The following CRPPA variants were observed in gnomAD, a reference collection of about 807,000 sequenced individuals.
The protein encoded by CRPPA is CDP-L-ribitol pyrophosphorylase A, also known as D-ribitol-5-phosphate cytidylyltransferase.
CRPPA carries 43 observed loss-of-function variants against 52.0 expected under a neutral mutation model. The observed-to-expected ratio is 0.83, with a 90% confidence interval of 0.65 to 1.07. The LOEUF is 1.07. CRPPA is among the 50% of genes least tolerant of loss of function. The pLI, the probability that CRPPA is intolerant of heterozygous loss-of-function variation, is 0.00. For missense variants in CRPPA, 629 were observed against 551.7 expected, an observed-to-expected ratio of 1.14 and a Z score of -1.40; for synonymous variants, 250 against 203.5, an observed-to-expected ratio of 1.23 and a Z score of -1.94.
In CRPPA at chr7:16,342,123, C is replaced by G. The variant is rs552607484; in HGVS notation, c.685-33496G>C. On this transcript the variant is annotated intron_variant, in intron 3 of 9. Coordinates refer to ENST00000407010, the MANE Select transcript of CRPPA (RefSeq NM_001101426.4). The stretch of plus-strand genomic sequence containing the variant: ...ATGGGTTTCATGAGAACCATAACAT[C>G]TAGGTATTAATAATCAACCCATATT... Among the ~76,000 whole-genome samples, 9 of 152,280 alleles carry G rather than the reference C, an allele frequency of 5.9e-5. No individual in the cohort carries two copies. The South Asian group carries it at 1.9e-3, about 32-fold the overall frequency.
chr7:16,337,481 A>C (rs1177018826), intron 3 of CRPPA, among the ~76,000 whole-genome samples: 1 of 152,172 alleles, frequency 6.6e-6, no homozygotes, highest in East Asian at 1.9e-4. Flanking sequence ...TGGCAAATTT[A>C]TAGCATTAAA....
Position 16,089,659 on chromosome 7 carries a change from T to G in CRPPA, c.*2036A>C, listed in dbSNP as rs1169083622. Reference sequence around the variant, plus strand: ...TATTTTTTTTTCCCAATGCTGTGAATTGCTTTGCCTGCTATGAAGGACCAA... The same window carrying G: ...TATTTTTTTTTCCCAATGCTGTGAAGTGCTTTGCCTGCTATGAAGGACCAA... On this transcript the variant is annotated 3_prime_UTR_variant, in exon 10 of 10. Transcript: ENST00000407010. 5.0e-6 allele frequency: 1 copy of G among 201,410 alleles called. No homozygotes were observed. The highest frequency in any genetic ancestry group is 1.1e-4 in the East Asian group (1 of 9,114). The allele number at this position is 201,410 out of a possible 1,614,324, so 12.5% of individuals were successfully genotyped here. A position where few individuals can be genotyped will look rare whatever the true frequency, so the allele number is the denominator to read the frequency against.
At chr7:16,338,499 T>C (rs1417294603) in intron 3 of CRPPA, among the ~76,000 whole-genome samples, 2 of 139,218 alleles carry the variant, frequency 1.4e-5, no homozygotes, top group African/African-American at 5.5e-5. Flanking sequence ...TCCACTCTCA[T>C]TGCTTCCTTT....
At chr7:16,291,667 A>G (rs1784567522) in intron 5 of CRPPA, among the ~76,000 whole-genome samples, 1 of 151,824 alleles carries the variant, frequency 6.6e-6, no homozygotes, top group Non-Finnish European at 1.5e-5. Flanking sequence ...AAGGTTCAAT[A>G]GCCTAATAGG....
At chr7:16,093,482 C>T (rs1444964468) in intron 9 of CRPPA, among the ~76,000 whole-genome samples, 1 of 152,164 alleles carries the variant, frequency 6.6e-6, no homozygotes, top group Non-Finnish European at 1.5e-5. Context: ...GCCATCTCTG[C>T]TTAAAGTGCT....
chr7:16,330,148 T>C (rs1473431876), intron 3 of CRPPA, among the ~76,000 whole-genome samples: 1 of 152,202 alleles, frequency 6.6e-6, no homozygotes, highest in African/African-American at 2.4e-5. Context: ...TTAGAGACTG[T>C]GCAAAACAAT....
chr7:16,236,695 A>G (rs1227508518), intron 8 of CRPPA, among the ~76,000 whole-genome samples: 1 of 152,182 alleles, frequency 6.6e-6, no homozygotes, highest in East Asian at 1.9e-4. Flanking sequence ...CTGTCTGCCA[A>G]TAATTCAACC....
At chr7:16,240,891 T>G (rs1358208064) in intron 8 of CRPPA, among the ~76,000 whole-genome samples, 1 of 152,238 alleles carries the variant, frequency 6.6e-6, no homozygotes, top group East Asian at 1.9e-4. Context: ...TCTATGAAGC[T>G]AAAGTAAGAA....
chr7:16,267,148 T>C (rs548426339), intron 6 of CRPPA, among the ~76,000 whole-genome samples: 2 of 152,360 alleles, frequency 1.3e-5, no homozygotes, highest in Admixed American at 6.5e-5. Flanking sequence ...TAGCCATTGA[T>C]GGATTAATAT....
intron 3 of CRPPA, among the ~76,000 whole-genome samples, chr7:16,352,979 C>T (rs747254782): frequency 1.5e-4 from 23 of 151,630 alleles, no homozygotes; most frequent in African/African-American, 3.9e-4. Context: ...AGCAAGAATA[C>T]GGATGAACCT....
At position 16,113,818 on chromosome 7, in the gene CRPPA, C is replaced by G. The variant is rs372432445; in HGVS notation, c.1252-22019G>C. On this transcript the variant is annotated intron_variant, in intron 9 of 9. Coordinates refer to ENST00000407010, the MANE Select transcript of CRPPA (RefSeq NM_001101426.4). ...TATATCCTTAAAATCCCTTCTTACACTAAAGTCTGTAACTCACATGGAAGG... is the reference window on the plus strand; with the variant it reads ...TATATCCTTAAAATCCCTTCTTACAGTAAAGTCTGTAACTCACATGGAAGG... Among the ~76,000 whole-genome samples the G allele has an allele frequency of 2.6e-5, 4 of 151,898 alleles. No individual in the cohort carries two copies. The East Asian group carries it at 7.7e-4, about 29-fold the overall frequency.
chr7:16,100,782 G>T (rs1403927936), intron 9 of CRPPA, among the ~76,000 whole-genome samples: 1 of 152,174 alleles, frequency 6.6e-6, no homozygotes, highest in Non-Finnish European at 1.5e-5. Context: ...GATATTGGCT[G>T]TGGGTTTGTC....
chr7:16,194,369 G>C (rs561315959), intron 9 of CRPPA, among the ~76,000 whole-genome samples: 86 of 152,168 alleles, frequency 5.7e-4, no homozygotes, highest in South Asian at 1.9e-3. Flanking sequence ...TACACACACA[G>C]ATACTTTTGT....
chr7:16,333,563 GT>G (rs1785608105), intron 3 of CRPPA, among the ~76,000 whole-genome samples: 1 of 152,302 alleles, frequency 6.6e-6, no homozygotes, highest in African/African-American at 2.4e-5. Flanking sequence ...TTGGTGGGAA[GT>G]TTATAAAATT....
chr7:16,238,889 G>A (rs111449414), intron 8 of CRPPA, among the ~76,000 whole-genome samples: 3,628 of 152,180 alleles, frequency 0.024, 118 homozygotes, highest in African/African-American at 0.08. Flanking sequence ...TGTAATCCCA[G>A]CACTCTGGGA....
intron 3 of CRPPA, among the ~76,000 whole-genome samples, chr7:16,327,554 C>T (rs1439636836): frequency 7.3e-6 from 1 of 137,714 alleles, no homozygotes; most frequent in African/African-American, 2.7e-5. Context: ...GATTGCGCCA[C>T]TGCAGTCCGC....
rs151257568 is a variant in CRPPA at position 16,184,239 on chromosome 7, C to T, written c.1251+31827G>A. On this transcript the variant is annotated intron_variant, in intron 9 of 9. Coordinates refer to ENST00000407010, the MANE Select transcript of CRPPA (RefSeq NM_001101426.4). ...TACAGGCATGAGCCACCACGCCCGG[C>T]CTGGTATTTCTTCATAGCAGTATGA... 5.9e-5 allele frequency among the ~76,000 whole-genome samples: 9 copies of T among 152,238 alleles called. No homozygotes were observed. The East Asian group carries it at 1.7e-3, about 29-fold the overall frequency.
chr7:16,398,251 T>A (rs373461733), intron 2 of CRPPA, among the ~76,000 whole-genome samples: 38 of 151,784 alleles, frequency 2.5e-4, no homozygotes, highest in Middle Eastern at 3.5e-3. Context: ...GACCAACACG[T>A]GACTCACACG....
chr7:16,130,690 T>C (rs1181939354), intron 9 of CRPPA, among the ~76,000 whole-genome samples: 2 of 152,188 alleles, frequency 1.3e-5, no homozygotes, highest in African/African-American at 4.8e-5. Flanking sequence ...GTCTATATCC[T>C]ATTTTTAAAA....
Sources: allele counts gnomAD v4.1 joint callset (sites outside exome capture counted in the v4.1 genomes callset), GRCh38; gene constraint gnomAD v4.1.1; transcripts MANE v1.5; gene names NCBI Gene and HGNC (gene_info 2026-07-23, HGNC 2026-07-21).